Variants in PIAS1 observed in about 807,000 individuals in gnomAD.
PIAS1 encodes the protein protein inhibitor of activated STAT 1, also known as E3 SUMO-protein ligase PIAS1.
In PIAS1, 6 loss-of-function variants were observed where a neutral mutation model predicts 71.3. That is an observed-to-expected ratio of 0.08 (90% CI 0.05 to 0.17). PIAS1 has a LOEUF of 0.17. PIAS1 is among the 10% of genes least tolerant of loss of function. The pLI is 1.00. For missense variants in PIAS1, 555 were observed against 793.6 expected (o/e 0.70, Z 3.61); for synonymous variants, 303 against 292.9 (o/e 1.03, Z -0.35).
At chr15:68,179,674 C>T (rs2093042414) in intron 11 of PIAS1, among the ~76,000 whole-genome samples, 2 of 144,340 alleles carry the variant, frequency 1.4e-5, no homozygotes, top group Admixed American at 7.2e-5. Flanking sequence ...CTCCTGGGTT[C>T]AAGTGATTCT....
At chr15:68,079,935 C>T (rs563925627) in intron 1 of PIAS1, among the ~76,000 whole-genome samples, 1 of 152,012 alleles carries the variant, frequency 6.6e-6, no homozygotes, top group Non-Finnish European at 1.5e-5. Context: ...TGGGCTCAAG[C>T]GATTCTCCTG....
At chr15:68,181,143 C>T in intron 11 of PIAS1, 69 bp from the exon 12 acceptor site, 1 of 1,381,574 alleles carries the variant, frequency 7.2e-7, no homozygotes, top group Non-Finnish European at 1.0e-6. Context: ...TGAGATACAA[C>T]CCCTTTTTTT....
Position 68,058,016 on chromosome 15 carries a change from C to G in PIAS1, c.24+3666C>G, listed in dbSNP as rs546686984. Among the ~76,000 whole-genome samples the G allele has an allele frequency of 9.2e-5, 14 of 152,284 alleles. No individual in the cohort carries two copies. In the East Asian group the frequency reaches 1.9e-3, roughly 21 times the overall value. On this transcript the variant is annotated intron_variant, in intron 1 of 13. Transcript: ENST00000249636. The stretch of plus-strand genomic sequence containing the variant: ...AACCTTGGGTGTCTCCTGGTGAACT[C>G]CATCAGCATGCTGCTCCAGGGTTCT...
intron 7 of PIAS1, among the ~76,000 whole-genome samples, chr15:68,156,445 T>G (rs1047831388): frequency 4.6e-5 from 7 of 151,958 alleles, no homozygotes; most frequent in African/African-American, 1.4e-4. Flanking sequence ...GGCTCACCCT[T>G]GTAATCCCAG....
At chr15:68,061,616 G>C (rs146411932) in intron 1 of PIAS1, among the ~76,000 whole-genome samples, 1 of 152,260 alleles carries the variant, frequency 6.6e-6, no homozygotes, top group African/African-American at 2.4e-5. Flanking sequence ...TGTTGTAAAC[G>C]TTCCTATTTT....
chr15:68,058,232 T>A (rs1029311627), intron 1 of PIAS1, among the ~76,000 whole-genome samples: 1 of 152,214 alleles, frequency 6.6e-6, no homozygotes, highest in Non-Finnish European at 1.5e-5. Context: ...TTCATAGAAT[T>A]GATTGTGGTG....
chr15:68,108,080 A>G (rs761962164), intron 2 of PIAS1, among the ~76,000 whole-genome samples: 1 of 152,220 alleles, frequency 6.6e-6, no homozygotes, highest in Non-Finnish European at 1.5e-5. Context: ...GCAGAGCTCA[A>G]TGAACATCAC....
chr15:68,123,996 A>ACC (rs898605664), intron 2 of PIAS1, among the ~76,000 whole-genome samples: 1 of 151,554 alleles, frequency 6.6e-6, no homozygotes, highest in African/African-American at 2.4e-5. Context: ...ACACACACAC[A>ACC]CGTATACATA....
chr15:68,129,808 C>T (rs2141030122), intron 2 of PIAS1, among the ~76,000 whole-genome samples: 1 of 147,420 alleles, frequency 6.8e-6, no homozygotes, highest in East Asian at 2.1e-4. Context: ...CACACACACA[C>T]ACACACACAC....
chr15:68,122,330 G>A lies in PIAS1; in HGVS notation c.470-19616G>A, dbSNP rs138823586. Among the ~76,000 whole-genome samples, 1,082 of 152,266 alleles carry A rather than the reference G, an allele frequency of 7.1e-3. 11 individuals are homozygous for A. Among genetic ancestry groups the A allele is most frequent in the Non-Finnish European group, 0.012 (795 of 68,016 alleles). ...ATATCTGACAGTCGCAGGTAACATAGCGTTGAATACTGTGGTGAACAAGAA... is the reference window on the plus strand; with the variant it reads ...ATATCTGACAGTCGCAGGTAACATAACGTTGAATACTGTGGTGAACAAGAA... On this transcript the variant is annotated intron_variant, in intron 2 of 13. Coordinates refer to ENST00000249636, the MANE Select transcript of PIAS1 (RefSeq NM_016166.3).
At chr15:68,117,074 T>G (rs941414502) in intron 2 of PIAS1, among the ~76,000 whole-genome samples, 2 of 152,086 alleles carry the variant, frequency 1.3e-5, no homozygotes, top group African/African-American at 4.8e-5. Flanking sequence ...TTGTTGTTGT[T>G]TTTGTTTTTT....
At chr15:68,138,649 A>AT (rs1354220643) in intron 2 of PIAS1, among the ~76,000 whole-genome samples, 1 of 152,026 alleles carries the variant, frequency 6.6e-6, no homozygotes, top group African/African-American at 2.4e-5. Flanking sequence ...TAATGTTTGT[A>AT]TTTTTGGTAG....
chr15:68,188,483 G>C lies in PIAS1; in HGVS notation c.*648G>C, dbSNP rs774107964. On this transcript the variant is annotated 3_prime_UTR_variant, in exon 14 of 14. Coordinates refer to ENST00000249636, the MANE Select transcript of PIAS1 (RefSeq NM_016166.3). ...TCATCACTGTTCCCTCTCCTCCCGA[G>C]TGTGCATTCAGTTAATATAATCAGT... 1.3e-5 allele frequency: 2 copies of C among 152,280 alleles called. No individual in the cohort carries two copies. The highest frequency in any genetic ancestry group is 2.4e-5 in the African/African-American group (1 of 41,422). The allele number at this position is 152,280 out of a possible 1,614,324, so 9.4% of individuals were successfully genotyped here. A position where few individuals can be genotyped will look rare whatever the true frequency, so the allele number is the denominator to read the frequency against.
chr15:68,153,804 G>C (rs2092866763), intron 7 of PIAS1, 109 bp downstream of exon 7: 1 of 638,550 alleles, frequency 1.6e-6, no homozygotes, highest in Admixed American at 2.7e-5. Flanking sequence ...GGAGCCTGTT[G>C]TGTAGTTCTT....
intron 1 of PIAS1, among the ~76,000 whole-genome samples, chr15:68,075,174 C>T (rs1383255679): frequency 3.3e-5 from 5 of 149,754 alleles, no homozygotes; most frequent in Admixed American, 2.7e-4. Context: ...AACCTCCGCC[C>T]CCCCAGGTTC....
chr15:68,069,396 G>T (rs896739442), intron 1 of PIAS1, among the ~76,000 whole-genome samples: 2 of 152,092 alleles, frequency 1.3e-5, no homozygotes, highest in Non-Finnish European at 2.9e-5. Flanking sequence ...TTAAAGCAAG[G>T]TTCTTATCCA....
intron 2 of PIAS1, among the ~76,000 whole-genome samples, chr15:68,128,535 A>G (rs1033128570): frequency 6.6e-6 from 1 of 152,222 alleles, no homozygotes; most frequent in Non-Finnish European, 1.5e-5. Context: ...TAGTTCTCCA[A>G]GTTATTCTGT....
At chr15:68,076,813 C>T (rs1208914903) in intron 1 of PIAS1, among the ~76,000 whole-genome samples, 1 of 152,154 alleles carries the variant, frequency 6.6e-6, no homozygotes, top group Admixed American at 6.5e-5. Flanking sequence ...TACTTGGTGT[C>T]ATTAACTATA....
At chr15:68,121,769 C>T (rs2092615160) in intron 2 of PIAS1, among the ~76,000 whole-genome samples, 1 of 152,086 alleles carries the variant, frequency 6.6e-6, no homozygotes, top group Non-Finnish European at 1.5e-5. Context: ...GCCATCTCTA[C>T]TTAAATCCAA....
Sources: gnomAD v4.1 joint callset for allele counts (sites outside exome capture counted in the v4.1 genomes callset) on GRCh38, gnomAD v4.1.1 for gene constraint, MANE v1.5 for transcripts, NCBI Gene and HGNC (gene_info 2026-07-23, HGNC 2026-07-21) for gene names.